Variants in MARK1 observed in about 807,000 individuals in gnomAD.
MARK1 encodes the protein microtubule affinity regulating kinase 1, also known as serine/threonine-protein kinase MARK1.
Under a neutral mutation model 96.3 loss-of-function variants are expected in MARK1, and 40 were observed. That is an observed-to-expected ratio of 0.42 (90% CI 0.32 to 0.54). The LOEUF is 0.54. Among genes scored for constraint, MARK1 ranks in the 20% least tolerant of loss-of-function variants. MARK1 has a pLI of 0.16. For missense variants in MARK1, 719 were observed against 984.6 expected (o/e 0.73, Z 3.61); for synonymous variants, 317 against 341.2 (o/e 0.93, Z 0.78).
At chr1:220,639,176 A>G (rs1428673120) in intron 13 of MARK1, among the ~76,000 whole-genome samples, 1 of 152,074 alleles carries the variant, frequency 6.6e-6, no homozygotes, top group African/African-American at 2.4e-5. Flanking sequence ...GGATGACTTG[A>G]GCCCTGGAGT....
chr1:220,658,812 A>T (rs1669315389), intron 17 of MARK1, among the ~76,000 whole-genome samples: 3 of 152,206 alleles, frequency 2.0e-5, no homozygotes, highest in African/African-American at 7.2e-5. Flanking sequence ...ATTTAGTAAT[A>T]ATAGTTGAAA....
intron 13 of MARK1, among the ~76,000 whole-genome samples, chr1:220,642,311 G>C (rs1248968852): frequency 1.3e-5 from 2 of 152,208 alleles, no homozygotes; most frequent in Admixed American, 1.3e-4. Context: ...TGTTAGGGAG[G>C]CTGCATGGTT....
rs774319304 is a variant in MARK1, at chr1:220,650,602, T to G, written c.1471-18T>G. The G allele has an allele frequency of 2.0e-6, 3 of 1,475,372 alleles. No homozygotes were observed. The highest frequency in any genetic ancestry group is 2.8e-6 in the Non-Finnish European group (3 of 1,066,584). The allele number at this position is 1,475,372 out of a possible 1,614,324, so 91.4% of individuals were successfully genotyped here. On this transcript the variant is annotated intron_variant, in intron 13 of 17. Coordinates refer to ENST00000366917, the MANE Select transcript of MARK1 (RefSeq NM_018650.5). ...ATATATTTATAATTTTTTAATTGCC[T>G]TTTTTTTATTCTTGAAGAACAATGT...
At chr1:220,533,021 A>AG (rs1660427258) in intron 1 of MARK1, among the ~76,000 whole-genome samples, 1 of 151,548 alleles carries the variant, frequency 6.6e-6, no homozygotes. Flanking sequence ...TTAAAAAAAA[A>AG]AATAGATTTT....
In MARK1 at chr1:220,662,537, C is replaced by G; in HGVS notation, c.*371C>G. On this transcript the variant is annotated 3_prime_UTR_variant, in exon 18 of 18. Coordinates refer to ENST00000366917, the MANE Select transcript of MARK1 (RefSeq NM_018650.5). ...AATGTTCTTCCCTGTTATTTACATT[C>G]TGGTGGGTTTTTAAAATTCTTACCT... 5.9e-6 allele frequency: 1 copy of G among 169,878 alleles called. No homozygotes were observed. The highest frequency in any genetic ancestry group is 1.3e-5 in the Non-Finnish European group (1 of 78,746). 10.5% of individuals were successfully genotyped at this position (169,878 alleles called of 1,614,324 possible).
At chr1:220,571,113 C>T (rs577625503) in intron 1 of MARK1, among the ~76,000 whole-genome samples, 1 of 152,018 alleles carries the variant, frequency 6.6e-6, no homozygotes, top group African/African-American at 2.4e-5. Flanking sequence ...TTGTGGAGGA[C>T]TTTTAGTTTT....
intron 6 of MARK1, 140 bp from the exon 7 acceptor site, chr1:220,615,799 T>C (rs1416849342): frequency 9.4e-6 from 5 of 532,750 alleles, no homozygotes; most frequent in South Asian, 2.5e-5. Flanking sequence ...TGTGTATAGT[T>C]TTCTGAACTA....
chr1:220,543,258 TTA>T (rs1358568187), intron 1 of MARK1, among the ~76,000 whole-genome samples: 2 of 152,034 alleles, frequency 1.3e-5, no homozygotes, highest in Non-Finnish European at 2.9e-5. Context: ...TAAACTGGAC[TTA>T]TAATCAGTCT....
At chr1:220,550,315 T>C (rs1312670308) in intron 1 of MARK1, among the ~76,000 whole-genome samples, 1 of 152,208 alleles carries the variant, frequency 6.6e-6, no homozygotes, top group African/African-American at 2.4e-5. Flanking sequence ...TTAGAAATGA[T>C]AGATAATAGT....
At chr1:220,594,826 G>A (rs1665220963) in intron 3 of MARK1, among the ~76,000 whole-genome samples, 1 of 152,172 alleles carries the variant, frequency 6.6e-6, no homozygotes, top group Non-Finnish European at 1.5e-5. Flanking sequence ...AGGCAAAACT[G>A]GTGACAATAA....
chr1:220,587,652 G>A (rs1431441955), intron 3 of MARK1, among the ~76,000 whole-genome samples: 1 of 152,164 alleles, frequency 6.6e-6, no homozygotes, highest in Non-Finnish European at 1.5e-5. Context: ...TTACAGGCAT[G>A]AGCCACCGTG....
intron 3 of MARK1, among the ~76,000 whole-genome samples, chr1:220,596,153 A>T (rs1001818425): frequency 6.6e-6 from 1 of 152,220 alleles, no homozygotes; most frequent in African/African-American, 2.4e-5. Flanking sequence ...ATGATAAATC[A>T]TTAGGAGAAA....
rs1438595500 is a variant in MARK1 at position 220,638,193 on chromosome 1, CAGAA to C, written c.1470+2173_1470+2176del. On this transcript the variant is annotated intron_variant, in intron 13 of 17. Transcript: ENST00000366917. ...TTTCCAGTGTAATCACCCCACATAG[CAGAA>C]AGAAATAATTGGTCCCGTACTTTCT... 4.0e-5 allele frequency among the ~76,000 whole-genome samples: 6 copies of C among 151,456 alleles called. No individual in the cohort carries two copies. In the East Asian group the frequency reaches 1.2e-3, roughly 29 times the overall value.
In MARK1 at chr1:220,635,885, C is replaced by G. The variant is rs751021382; in HGVS notation, c.1329C>G (p.Asn443Lys). 5.6e-6 allele frequency: 9 copies of G among 1,613,758 alleles called. No individual in the cohort carries two copies. The South Asian group carries it at 9.9e-5, about 18-fold the overall frequency. The change falls in exon 13 of 18, where the codon AAC (asparagine) becomes AAG (lysine). Residue 443 changes from asparagine (N) to lysine (K), a missense_variant. This residue lies in a region of MARK1 where 501 missense variants were observed against 588.3 expected (regional missense o/e 0.85). Coordinates refer to ENST00000366917, the MANE Select transcript of MARK1 (RefSeq NM_018650.5). ...AVSYTKRPQA[N>K]SVESEQKEEW... ...CATATACCAAAAGACCTCAGGCTAA[C>G]AGTGTGGAAAGTGAACAGAAAGAGG...
intron 11 of MARK1, among the ~76,000 whole-genome samples, chr1:220,633,340 G>C (rs549265731): frequency 6.6e-6 from 1 of 151,498 alleles, no homozygotes; most frequent in African/African-American, 2.4e-5. Flanking sequence ...AGAACAGATC[G>C]CAGAGCATTA....
In MARK1 at chr1:220,654,845, T is replaced by C. The variant is rs1669079405; in HGVS notation, c.1988+1493T>C. ...TCTTAACTGCAACAAAAATTTAGAC[T>C]CTAGGGGAAACAGAGTACTTTGGAA... On this transcript the variant is annotated intron_variant, in intron 16 of 17. Coordinates refer to ENST00000366917, the MANE Select transcript of MARK1 (RefSeq NM_018650.5). The surrounding 1 kb of genome is among the most constrained non-coding windows in gnomAD (Gnocchi z 4.0). Among the ~76,000 whole-genome samples the C allele has an allele frequency of 6.6e-6, 1 of 152,194 alleles. No individual in the cohort carries two copies. Among genetic ancestry groups the C allele is most frequent in the African/African-American group, 2.4e-5 (1 of 41,446 alleles).
At chr1:220,611,510 C>T (rs1441808852) in intron 6 of MARK1, among the ~76,000 whole-genome samples, 2 of 152,098 alleles carry the variant, frequency 1.3e-5, no homozygotes, top group Admixed American at 6.5e-5. Context: ...AAGGGAAATA[C>T]CCCAACCCCT....
At chr1:220,530,119 A>G (rs1190831201) in intron 1 of MARK1, among the ~76,000 whole-genome samples, 1 of 152,230 alleles carries the variant, frequency 6.6e-6, no homozygotes, top group African/African-American at 2.4e-5. Context: ...AAGCACAGAA[A>G]TTTAATATAA....
chr1:220,547,223 T>C (rs914152659), intron 1 of MARK1, among the ~76,000 whole-genome samples: 1 of 152,216 alleles, frequency 6.6e-6, no homozygotes. Flanking sequence ...CACTCTAGAT[T>C]CTTTCTGTAT....
Sources: gnomAD v4.1 joint callset for allele counts (sites outside exome capture counted in the v4.1 genomes callset) on GRCh38, gnomAD v4.1.1 for gene constraint, gnomAD v4.1.1 regional missense constraint, Gnocchi (gnomAD v3.1) non-coding constraint, MANE v1.5 for transcripts, NCBI Gene and HGNC (gene_info 2026-07-23, HGNC 2026-07-21) for gene names.